TRPC4: variants seen among roughly 807,000 people sequenced by gnomAD.
The protein encoded by TRPC4 is short transient receptor potential channel 4.
In TRPC4, 49 loss-of-function variants were observed where a neutral mutation model predicts 99.4. The observed-to-expected ratio is 0.49, with a 90% CI of 0.39 to 0.63. The LOEUF is 0.63. TRPC4 is among the 20% of genes least tolerant of loss of function. The probability of loss-of-function intolerance (pLI) is 0.00; values close to 1 mark genes in which losing one functional copy is unlikely to be tolerated. For missense variants in TRPC4, 898 were observed against 1,152.9 expected (o/e 0.78, Z 3.20); for synonymous variants, 454 against 425.9 (o/e 1.07, Z -0.81).
chr13:37,639,299 T>A lies in TRPC4; in HGVS notation c.2080A>T (p.Arg694Trp). The A allele has an allele frequency of 1.9e-6, 3 of 1,613,632 alleles. No individual in the cohort carries two copies. Among genetic ancestry groups the A allele is most frequent in the Non-Finnish European group, 2.5e-6 (3 of 1,179,614 alleles). The change falls in exon 9 of 11, where the codon AGG (arginine) becomes TGG (tryptophan). Residue 694 changes from arginine to tryptophan, a missense_variant and splice_region_variant. Around this residue, in one of 3 missense-constraint regions of TRPC4, gnomAD observed 346 missense variants for 351.4 expected, o/e 0.98. Transcript: ENST00000379705. ...RKPESFGTIG[R>W]RAADNLRRHH... Reference sequence around the variant, plus strand: ...CTTCTCAAGTTATCAGCAGCTCGCCTCTGAAAAGGAAAAGGACATTCCTTT... The same window carrying A: ...CTTCTCAAGTTATCAGCAGCTCGCCACTGAAAAGGAAAAGGACATTCCTTT...
chr13:37,799,622 C>T (rs1211296113), intron 1 of TRPC4, among the ~76,000 whole-genome samples: 1 of 152,076 alleles, frequency 6.6e-6, no homozygotes, highest in Non-Finnish European at 1.5e-5. Flanking sequence ...GTTAAATGGA[C>T]CATGGTGTTT....
chr13:37,868,263 G>A (rs946246215), intron 1 of TRPC4, among the ~76,000 whole-genome samples: 1 of 150,196 alleles, frequency 6.7e-6, no homozygotes, highest in Admixed American at 6.7e-5. Context: ...AATGACCAGT[G>A]AGCAAGTAAA....
chr13:37,769,310 C>T (rs1956480748), intron 2 of TRPC4, among the ~76,000 whole-genome samples: 1 of 151,356 alleles, frequency 6.6e-6, no homozygotes, highest in African/African-American at 2.4e-5. Flanking sequence ...TGCTTTACCT[C>T]ATTTATTAAA....
At chr13:37,828,269 G>C (rs1028898829) in intron 1 of TRPC4, among the ~76,000 whole-genome samples, 1 of 152,140 alleles carries the variant, frequency 6.6e-6, no homozygotes, top group African/African-American at 2.4e-5. Context: ...GACCGGAGCT[G>C]TTCCTATTCG....
intron 2 of TRPC4, among the ~76,000 whole-genome samples, chr13:37,757,424 A>C (rs186853679): frequency 2.0e-5 from 3 of 152,236 alleles, no homozygotes; most frequent in African/African-American, 7.2e-5. Context: ...CTTAAGTCTA[A>C]GTAAATTAGA....
rs1446668753 is a variant in TRPC4 at position 37,783,133 on chromosome 13, A to G, written c.201T>C (p.Asp67=). The change falls in exon 2 of 11, where the codon GAT becomes GAC. Residue 67 remains aspartate, a synonymous_variant. Transcript: ENST00000379705. ...TGAGGAGAGCAGTTCTTCCGAGAGGATCAATGCAATTAATATTGATTTTAA... is the reference window on the plus strand; with the variant it reads ...TGAGGAGAGCAGTTCTTCCGAGAGGGTCAATGCAATTAATATTGATTTTAA... ...IYFKININCI[D]PLGRTALLIA... 1.9e-6 allele frequency: 3 copies of G among 1,613,366 alleles called. No homozygotes were observed. Among genetic ancestry groups the G allele is most frequent in the Non-Finnish European group, 2.5e-6 (3 of 1,179,726 alleles).
chr13:37,722,083 T>C (rs1294118023), intron 3 of TRPC4, among the ~76,000 whole-genome samples: 1 of 152,184 alleles, frequency 6.6e-6, no homozygotes, highest in African/African-American at 2.4e-5. Context: ...ATGTAAAAGG[T>C]AAGAATAAAA....
chr13:37,812,001 A>G (rs566648626), intron 1 of TRPC4, among the ~76,000 whole-genome samples: 1 of 151,848 alleles, frequency 6.6e-6, no homozygotes, highest in East Asian at 2.0e-4. Flanking sequence ...CGTCTCTACT[A>G]AAAATACAAA....
intron 1 of TRPC4, among the ~76,000 whole-genome samples, chr13:37,784,537 T>C (rs1158066236): frequency 6.6e-6 from 1 of 152,028 alleles, no homozygotes; most frequent in African/African-American, 2.4e-5. Context: ...CCTATTTTAC[T>C]TTTCTATGTT....
chr13:37,762,915 A>C (rs1173881130), intron 2 of TRPC4, among the ~76,000 whole-genome samples: 3 of 151,636 alleles, frequency 2.0e-5, no homozygotes, highest in Non-Finnish European at 4.4e-5. Context: ...CCTTTAGCAA[A>C]AGGGGTTATA....
chr13:37,850,322 A>C (rs763283313), intron 1 of TRPC4, among the ~76,000 whole-genome samples: 1 of 152,246 alleles, frequency 6.6e-6, no homozygotes, highest in Non-Finnish European at 1.5e-5. Flanking sequence ...TTTGCTATTA[A>C]ATAAGAAAGA....
At chr13:37,717,038 G>A (rs1000381602) in intron 3 of TRPC4, among the ~76,000 whole-genome samples, 2 of 152,008 alleles carry the variant, frequency 1.3e-5, no homozygotes, top group African/African-American at 2.4e-5. Flanking sequence ...AACACAAGTA[G>A]GTGGAAAACA....
intron 3 of TRPC4, among the ~76,000 whole-genome samples, chr13:37,723,733 G>A (rs984014232): frequency 1.3e-5 from 2 of 151,938 alleles, no homozygotes; most frequent in African/African-American, 4.8e-5. Context: ...AAATTCCTTT[G>A]TAGAGAAGAT....
chr13:37,837,420 TGGC>T (rs1447385472), intron 1 of TRPC4, among the ~76,000 whole-genome samples: 1 of 152,126 alleles, frequency 6.6e-6, no homozygotes, highest in Non-Finnish European at 1.5e-5. Flanking sequence ...TGCAAAGGCT[TGGC>T]TGCCCAAGAC....
At chr13:37,862,199 G>A (rs1454815878) in intron 1 of TRPC4, among the ~76,000 whole-genome samples, 1 of 151,360 alleles carries the variant, frequency 6.6e-6, no homozygotes, top group African/African-American at 2.4e-5. Flanking sequence ...GGGTAGGGTG[G>A]TGAGAATCCA....
chr13:37,754,830 T>C (rs1956056055), intron 2 of TRPC4, among the ~76,000 whole-genome samples: 1 of 152,164 alleles, frequency 6.6e-6, no homozygotes, highest in Non-Finnish European at 1.5e-5. Context: ...TTAAATGTTA[T>C]TGACATATAC....
At chr13:37,741,826 G>A (rs1455401621) in intron 3 of TRPC4, among the ~76,000 whole-genome samples, 1 of 151,794 alleles carries the variant, frequency 6.6e-6, no homozygotes, top group East Asian at 1.9e-4. Context: ...TGGTGTGATG[G>A]TTAGAGCCAA....
chr13:37,775,086 C>A (rs1041268150), intron 2 of TRPC4, among the ~76,000 whole-genome samples: 1 of 151,730 alleles, frequency 6.6e-6, no homozygotes, highest in African/African-American at 2.4e-5. Flanking sequence ...AAAATCTTTT[C>A]GACAAAACCC....
intron 3 of TRPC4, among the ~76,000 whole-genome samples, chr13:37,736,412 T>C (rs1955395150): frequency 6.6e-6 from 1 of 152,200 alleles, no homozygotes; most frequent in African/African-American, 2.4e-5. Flanking sequence ...TCTACAGATT[T>C]CACAATTCAC....
Sources: gnomAD v4.1 joint callset for allele counts (sites outside exome capture counted in the v4.1 genomes callset) on GRCh38, gnomAD v4.1.1 for gene constraint, gnomAD v4.1.1 regional missense constraint, MANE v1.5 for transcripts, NCBI Gene and HGNC (gene_info 2026-07-23, HGNC 2026-07-21) for gene names.